Variants in LYPD1 observed in about 807,000 individuals in gnomAD.
LYPD1 encodes ly6/PLAUR domain-containing protein 1.
Under a neutral mutation model 14.2 loss-of-function variants are expected in LYPD1, and 14 were observed. The ratio of observed to expected loss-of-function variants is 0.99; its 90% CI spans 0.65 to 1.54. The LOEUF (loss-of-function observed/expected upper bound fraction) is 1.54. Among genes scored for constraint, LYPD1 ranks in the 40% most tolerant of loss-of-function variants. The probability of loss-of-function intolerance (pLI) is 0.00; values close to 1 mark genes in which losing one functional copy is unlikely to be tolerated. For missense variants in LYPD1, 165 were observed against 175.7 expected, an observed-to-expected ratio of 0.94 and a Z score of 0.34; for synonymous variants, 85 against 70.6, an observed-to-expected ratio of 1.20 and a Z score of -1.02.
At chr2:132,664,428 G>A (rs1363171733) in intron 2 of LYPD1, among the ~76,000 whole-genome samples, 1 of 152,098 alleles carries the variant, frequency 6.6e-6, no homozygotes, top group Middle Eastern at 3.2e-3. Flanking sequence ...AACTTAATGA[G>A]CAACTAACTA....
intron 2 of LYPD1, among the ~76,000 whole-genome samples, chr2:132,655,084 T>C (rs1417692988): frequency 6.6e-6 from 1 of 152,156 alleles, no homozygotes; most frequent in Non-Finnish European, 1.5e-5. Context: ...GTGATGTGTC[T>C]GATTGGTAAA....
upstream of LYPD1, among the ~76,000 whole-genome samples, chr2:132,670,453 G>A (rs1340747629): frequency 1.3e-5 from 2 of 152,132 alleles, no homozygotes; most frequent in African/African-American, 4.8e-5. This position sits in a 1 kb window ranked among gnomAD's most constrained non-coding sequence, Gnocchi z 4.5. Flanking sequence ...GGGGAGCGGC[G>A]AGGAGGGCGC....
chr2:132,668,561 TCAGATCCGGCCCCCA>T, intron 1 of LYPD1, 24 bp from the exon 2 acceptor site: 1 of 1,608,562 alleles, frequency 6.2e-7, no homozygotes, highest in Non-Finnish European at 8.5e-7. Context: ...GCAGTCGGGT[TCAGATCCGGCCCCCA>T]CAGAGCCCAC....
At chr2:132,659,438 G>A (rs1406191490) in intron 2 of LYPD1, among the ~76,000 whole-genome samples, 4 of 152,302 alleles carry the variant, frequency 2.6e-5, no homozygotes, top group Admixed American at 6.5e-5. Flanking sequence ...AATGAAAGCC[G>A]TGAATGAAGC....
rs777339841 is a variant in LYPD1 at position 132,645,103 on chromosome 2, C to CTGAT, written c.*938_*941dup. Reference sequence around the variant, plus strand: ...CCCTCCTGCTCGTGTCTGCCCAGGGCTGATTGTTGTGACATTGGCCGTATG... The same window carrying CTGAT: ...CCCTCCTGCTCGTGTCTGCCCAGGGCTGATTGATTGTTGTGACATTGGCCGTATG... On this transcript the variant is annotated 3_prime_UTR_variant, in exon 3 of 3. Coordinates refer to ENST00000397463, the MANE Select transcript of LYPD1 (RefSeq NM_144586.7). 9 of 1,611,156 alleles carry CTGAT rather than the reference C, an allele frequency of 5.6e-6. No individual in the cohort carries two copies. Among genetic ancestry groups the CTGAT allele is most frequent in the Non-Finnish European group, 7.6e-6 (9 of 1,178,346 alleles).
In LYPD1 at chr2:132,645,421, C is replaced by T. The variant is rs1449630438; in HGVS notation, c.*624G>A. On this transcript the variant is annotated 3_prime_UTR_variant, in exon 3 of 3. Coordinates refer to ENST00000397463, the MANE Select transcript of LYPD1 (RefSeq NM_144586.7). The stretch of plus-strand genomic sequence containing the variant: ...CGCCCGCTTTGTGCAGCGCCCGTTG[C>T]TCTTCGCGTCCCGGCGCCAGTCCTC... The T allele has an allele frequency of 5.0e-6, 8 of 1,613,500 alleles. No homozygotes were observed. The African/African-American group carries it at 9.3e-5, about 19-fold the overall frequency.
chr2:132,667,284 GC>G (rs1285517091), intron 2 of LYPD1, among the ~76,000 whole-genome samples: 1 of 152,092 alleles, frequency 6.6e-6, no homozygotes, highest in East Asian at 1.9e-4. Flanking sequence ...ATACAAACCA[GC>G]CCTTACAACT....
Position 132,645,433 on chromosome 2 carries a change from C to G in LYPD1, c.*612G>C, listed in dbSNP as rs552944365. 6.2e-7 allele frequency: 1 copy of G among 1,613,598 alleles called. No individual in the cohort carries two copies. Among genetic ancestry groups the G allele is most frequent in the Non-Finnish European group, 8.5e-7 (1 of 1,180,034 alleles). On this transcript the variant is annotated 3_prime_UTR_variant, in exon 3 of 3. Coordinates refer to ENST00000397463, the MANE Select transcript of LYPD1 (RefSeq NM_144586.7). ...GCAGCGCCCGTTGCTCTTCGCGTCC[C>G]GGCGCCAGTCCTCTGCAAGGAGAAC...
chr2:132,645,536 T>C lies in LYPD1; in HGVS notation c.*509A>G, dbSNP rs1171981477. 1.9e-6 allele frequency: 3 copies of C among 1,614,144 alleles called. No homozygotes were observed. In the Admixed American group the frequency reaches 5.0e-5, roughly 27 times the overall value. ...TCCCAGTCATTGAGTCTCGAGTCAC[T>C]AGAGCCCAACTCAGGCGCGAAACCA... is the stretch of plus-strand genomic sequence containing the variant. On this transcript the variant is annotated 3_prime_UTR_variant, in exon 3 of 3. Coordinates refer to ENST00000397463, the MANE Select transcript of LYPD1 (RefSeq NM_144586.7).
At chr2:132,656,617 A>G (rs1259697277) in intron 2 of LYPD1, among the ~76,000 whole-genome samples, 4 of 152,230 alleles carry the variant, frequency 2.6e-5, no homozygotes, top group Non-Finnish European at 5.9e-5. Flanking sequence ...TTCTCTATAC[A>G]TTTGCCTCAT....
chr2:132,646,562 T>TA (rs1682096241), intron 2 of LYPD1: 4 of 320,662 alleles, frequency 1.2e-5, no homozygotes, highest in Non-Finnish European at 2.3e-5. Context: ...TAGACTTATT[T>TA]ACATTTTAAG....
At chr2:132,651,986 A>G (rs1430035466) in intron 2 of LYPD1, among the ~76,000 whole-genome samples, 1 of 152,350 alleles carries the variant, frequency 6.6e-6, no homozygotes, top group South Asian at 2.1e-4. Flanking sequence ...CAACATGGGC[A>G]GGAAGGAATG....
At chr2:132,647,398 A>T (rs1157183207) in intron 2 of LYPD1, among the ~76,000 whole-genome samples, 1 of 152,134 alleles carries the variant, frequency 6.6e-6, no homozygotes, top group Admixed American at 6.5e-5. Context: ...TTAGGGGGAG[A>T]GGGTTTACTT....
Position 132,668,380 on chromosome 2 carries a change from G to A in LYPD1, c.190+20C>T, listed in dbSNP as rs757520076. 6.3e-7 allele frequency: 1 copy of A among 1,596,230 alleles called. No individual in the cohort carries two copies. The highest frequency in any genetic ancestry group is 8.5e-7 in the Non-Finnish European group (1 of 1,171,012). The stretch of plus-strand genomic sequence containing the variant: ...ACAGCCCAGGCTTAAGAGCGAGGGG[G>A]AGGGCTGCCAGGCTCTTACCGGCAC... On this transcript the variant is annotated intron_variant, in intron 2 of 2. Coordinates refer to ENST00000397463, the MANE Select transcript of LYPD1 (RefSeq NM_144586.7).
chr2:132,670,178 C>T lies in LYPD1; in HGVS notation c.-246G>A, dbSNP rs1369433498. The T allele has an allele frequency of 2.3e-6, 3 of 1,308,860 alleles. No homozygotes were observed. Among genetic ancestry groups the T allele is most frequent in the Non-Finnish European group, 2.9e-6 (3 of 1,022,578 alleles). 81.1% of individuals were successfully genotyped at this position (1,308,860 alleles called of 1,614,324 possible). On this transcript the variant is annotated 5_prime_UTR_variant, in exon 1 of 3. Transcript: ENST00000397463. This position sits in a 1 kb window ranked among gnomAD's most constrained non-coding sequence, Gnocchi z 4.5. ...CGCGCTCCCGGGCCGAGCACCGCGC[C>T]TCCGGAGTTGGCGGCTGAGACTGAA...
rs2104888412 is a variant in LYPD1 at position 132,645,852 on chromosome 2, TTCAG to T, written c.*189_*192del. 1 of 666,774 alleles carries T rather than the reference TTCAG, an allele frequency of 1.5e-6. No individual in the cohort carries two copies. Among genetic ancestry groups the T allele is most frequent in the African/African-American group, 1.8e-5 (1 of 54,862 alleles). The allele number at this position is 666,774 out of a possible 1,614,324, so 41.3% of individuals were successfully genotyped here. A position where few individuals can be genotyped will look rare whatever the true frequency, so the allele number is the denominator to read the frequency against. On this transcript the variant is annotated 3_prime_UTR_variant, in exon 3 of 3. Coordinates refer to ENST00000397463, the MANE Select transcript of LYPD1 (RefSeq NM_144586.7). Reference sequence around the variant, plus strand: ...CCTTCCTTCAAGTACATACTGAAAATTCAGTCAGGCTGAATTTATTCAGAATGCT... The same window carrying T: ...CCTTCCTTCAAGTACATACTGAAAATTCAGGCTGAATTTATTCAGAATGCT...
chr2:132,659,163 T>C (rs904672243), intron 2 of LYPD1, among the ~76,000 whole-genome samples: 1 of 152,266 alleles, frequency 6.6e-6, no homozygotes, highest in African/African-American at 2.4e-5. Context: ...TTGTCTTTAT[T>C]CTATTTTTCT....
Position 132,646,130 on chromosome 2 carries a change from C to G in LYPD1, c.341G>C (p.Arg114Thr). ...PLCNGPRPKK[R>T]GSSASALRPG... The stretch of plus-strand genomic sequence containing the variant: ...CCTGAGGGCCGAGGCAGAACTTCCC[C>G]TTTTCTTGGGCCTTGGCCCGTTACA... The change falls in exon 3 of 3, where the codon AGG becomes ACG. Residue 114 changes from arginine (R) to threonine (T), a missense_variant. Physicochemically the swap from Arg to Thr is moderately conservative, Grantham distance 71 (BLOSUM62 -1). Coordinates refer to ENST00000397463, the MANE Select transcript of LYPD1 (RefSeq NM_144586.7). 6.2e-7 allele frequency: 1 copy of G among 1,610,644 alleles called. No homozygotes were observed. The highest frequency in any genetic ancestry group is 1.7e-5 in the Admixed American group (1 of 59,610).
intron 2 of LYPD1, among the ~76,000 whole-genome samples, chr2:132,649,376 G>A (rs1682266384): frequency 6.6e-6 from 1 of 152,118 alleles, no homozygotes; most frequent in African/African-American, 2.4e-5. Context: ...GCTGATGTTT[G>A]GAGTCTGCAA....
Sources: allele counts gnomAD v4.1 joint callset (sites outside exome capture counted in the v4.1 genomes callset), GRCh38; gene constraint gnomAD v4.1.1; non-coding constraint Gnocchi (gnomAD v3.1); transcripts MANE v1.5; gene names NCBI Gene and HGNC (gene_info 2026-07-23, HGNC 2026-07-21).